The following PPM1E variants were observed in gnomAD, a reference collection of about 807,000 sequenced individuals.
PPM1E encodes the protein protein phosphatase, Mg2+/Mn2+ dependent 1E.
PPM1E carries 20 observed loss-of-function variants against 65.9 expected under a neutral mutation model. That is an observed-to-expected ratio of 0.30 (90% CI 0.21 to 0.44). The LOEUF (loss-of-function observed/expected upper bound fraction) is 0.44. Among genes scored for constraint, PPM1E ranks in the 20% least tolerant of loss-of-function variants. The probability of loss-of-function intolerance (pLI) is 1.00; values close to 1 mark genes in which losing one functional copy is unlikely to be tolerated. For synonymous variants in PPM1E, 352 were observed against 374.9 expected (o/e 0.94, Z 0.70); for missense variants, 713 against 953.1 (o/e 0.75, Z 3.32).
chr17:58,761,192 A>G (rs762618738), intron 1 of PPM1E, among the ~76,000 whole-genome samples: 1 of 152,160 alleles, frequency 6.6e-6, no homozygotes, highest in Non-Finnish European at 1.5e-5. Flanking sequence ...GATTGTTTGC[A>G]TGGTTGAACT....
At chr17:58,789,219 A>G (rs2050132571) in intron 1 of PPM1E, among the ~76,000 whole-genome samples, 1 of 152,192 alleles carries the variant, frequency 6.6e-6, no homozygotes, top group Non-Finnish European at 1.5e-5. Context: ...TAAGAACATA[A>G]GAAACATTTT....
chr17:58,909,200 T>G (rs1354598277), intron 1 of PPM1E, among the ~76,000 whole-genome samples: 1 of 152,102 alleles, frequency 6.6e-6, no homozygotes, highest in South Asian at 2.1e-4. Flanking sequence ...TTTCCTCAGT[T>G]TTTTTGTTTG....
intron 1 of PPM1E, among the ~76,000 whole-genome samples, chr17:58,884,876 A>G (rs191942422): frequency 4.5e-5 from 6 of 133,134 alleles, no homozygotes; most frequent in Admixed American, 2.8e-4. Context: ...TTCATTATCA[A>G]TATTATCTTC....
chr17:58,981,083 C>T lies in PPM1E; in HGVS notation c.*52C>T. The T allele has an allele frequency of 7.8e-7, 1 of 1,280,342 alleles. No individual in the cohort carries two copies. The highest frequency in any genetic ancestry group is 1.1e-6 in the Non-Finnish European group (1 of 919,896). 79.3% of individuals were successfully genotyped at this position (1,280,342 alleles called of 1,614,324 possible). On this transcript the variant is annotated 3_prime_UTR_variant, in exon 7 of 7. Transcript: ENST00000308249. ...TCTCCCCCAATAAAAATACCACTAT[C>T]AGAGTAGAAACAAGGTAGACATTTC...
chr17:58,972,486 G>T (rs2030702818), intron 5 of PPM1E, among the ~76,000 whole-genome samples: 1 of 152,126 alleles, frequency 6.6e-6, no homozygotes, highest in Non-Finnish European at 1.5e-5. Flanking sequence ...GAGTAGCTGG[G>T]ATTACAGGCA....
rs2051086493 is a variant in PPM1E at position 58,872,862 on chromosome 17, AT to A, written c.465-82784del. 2.0e-5 allele frequency among the ~76,000 whole-genome samples: 3 copies of A among 152,220 alleles called. No individual in the cohort carries two copies. In the South Asian group the frequency reaches 6.2e-4, roughly 32 times the overall value. On this transcript the variant is annotated intron_variant, in intron 1 of 6. Coordinates refer to ENST00000308249, the MANE Select transcript of PPM1E (RefSeq NM_014906.5). The stretch of plus-strand genomic sequence containing the variant: ...TATGTTATATGTTATAGTTTGTTAC[AT>A]TTCAAGGAAGTGATTGGTTACAGTT...
At chr17:58,923,483 C>A (rs557247663) in intron 1 of PPM1E, among the ~76,000 whole-genome samples, 45 of 151,714 alleles carry the variant, frequency 3.0e-4, no homozygotes, top group Non-Finnish European at 6.2e-4. Context: ...TAGTGGCTCA[C>A]GCCTGTAATC....
At chr17:58,881,713 G>A (rs2051196822) in intron 1 of PPM1E, among the ~76,000 whole-genome samples, 1 of 151,894 alleles carries the variant, frequency 6.6e-6, no homozygotes, top group African/African-American at 2.4e-5. Flanking sequence ...GCATGATAGT[G>A]TGCACCTGTA....
intron 4 of PPM1E, among the ~76,000 whole-genome samples, chr17:58,969,988 G>A (rs1421568192): frequency 6.6e-6 from 1 of 152,174 alleles, no homozygotes; most frequent in Non-Finnish European, 1.5e-5. Flanking sequence ...GGATTTGGCA[G>A]GTGAGTTTCA....
At chr17:58,933,016 T>A (rs2051922699) in intron 1 of PPM1E, among the ~76,000 whole-genome samples, 1 of 152,214 alleles carries the variant, frequency 6.6e-6, no homozygotes, top group African/African-American at 2.4e-5. Context: ...CAGTGCTCAG[T>A]ACAGTAACAC....
intron 1 of PPM1E, among the ~76,000 whole-genome samples, chr17:58,786,266 G>A (rs1409572729): frequency 1.3e-5 from 2 of 151,702 alleles, no homozygotes; most frequent in South Asian, 2.1e-4. Flanking sequence ...TGCCCGCCTC[G>A]GCCTCCCAAA....
intron 1 of PPM1E, among the ~76,000 whole-genome samples, chr17:58,816,940 G>A (rs908793834): frequency 8.0e-5 from 12 of 150,870 alleles, no homozygotes; most frequent in Admixed American, 4.0e-4. Context: ...GGCCTATGGC[G>A]CATGACCACC....
intron 1 of PPM1E, among the ~76,000 whole-genome samples, chr17:58,762,705 G>A (rs571782803): frequency 1.3e-5 from 2 of 152,078 alleles, no homozygotes; most frequent in East Asian, 1.9e-4. Flanking sequence ...AGACCATCCC[G>A]GCTAAAACGG....
At position 58,983,813 on chromosome 17, in the gene PPM1E, A is replaced by G. The variant is rs2031546390; in HGVS notation, c.*2782A>G. 6.6e-6 allele frequency: 1 copy of G among 152,656 alleles called. No homozygotes were observed. The allele number at this position is 152,656 out of a possible 1,614,324, so 9.5% of individuals were successfully genotyped here. The stretch of plus-strand genomic sequence containing the variant: ...AATCTGTTTGCCTGCTAAACAAGTT[A>G]GAATAGGAAATAGTAAAATAAATCC... On this transcript the variant is annotated 3_prime_UTR_variant, in exon 7 of 7. Transcript: ENST00000308249.
chr17:58,822,672 G>A (rs1461416223), intron 1 of PPM1E, among the ~76,000 whole-genome samples: 1 of 152,124 alleles, frequency 6.6e-6, no homozygotes, highest in East Asian at 1.9e-4. Flanking sequence ...TTAAACACTG[G>A]TTGGCCATGA....
At chr17:58,933,361 G>T (rs1001330336) in intron 1 of PPM1E, among the ~76,000 whole-genome samples, 3 of 152,204 alleles carry the variant, frequency 2.0e-5, no homozygotes, top group African/African-American at 4.8e-5. Context: ...AAAACTTCAT[G>T]TTGGTGAAAT....
chr17:58,955,201 C>T (rs2029868057), intron 1 of PPM1E, among the ~76,000 whole-genome samples: 1 of 152,106 alleles, frequency 6.6e-6, no homozygotes, highest in Non-Finnish European at 1.5e-5. Flanking sequence ...CCCGTCTCTA[C>T]TAAAAATACA....
intron 1 of PPM1E, among the ~76,000 whole-genome samples, chr17:58,767,231 C>A (rs948435195): frequency 2.0e-5 from 3 of 152,024 alleles, no homozygotes; most frequent in Non-Finnish European, 4.4e-5. Context: ...ATATTTATTA[C>A]CTCTTTTAAT....
rs776095186 is a variant in PPM1E, at chr17:58,980,957, G to A, written c.2194G>A (p.Glu732Lys). Residue 732 changes from glutamate to lysine, a missense_variant, in exon 7 of 7, where the codon GAA (glutamate) becomes AAA (lysine). Physicochemically the swap from Glu to Lys is moderately conservative, Grantham distance 56 (BLOSUM62 1). Around this residue, in one of 6 missense-constraint regions of PPM1E, gnomAD observed 286 missense variants for 313.8 expected, o/e 0.91. Transcript: ENST00000308249. The surrounding 1 kb of genome is among the most constrained non-coding windows in gnomAD (Gnocchi z 4.7). ...GCAAAATAGTTGGAAAGGGTACAGT[G>A]AAAACATGAGGAAGCTCAGAAAGAC... ...WRQNSWKGYSENMRKLRKTHD... is the reference protein window; with the variant it reads ...WRQNSWKGYSKNMRKLRKTHD... 5 of 1,614,178 alleles carry A rather than the reference G, an allele frequency of 3.1e-6. No homozygotes were observed. The East Asian group carries it at 8.9e-5, about 29-fold the overall frequency.
Sources: gnomAD v4.1 joint callset for allele counts (sites outside exome capture counted in the v4.1 genomes callset) on GRCh38, gnomAD v4.1.1 for gene constraint, gnomAD v4.1.1 regional missense constraint, Gnocchi (gnomAD v3.1) non-coding constraint, MANE v1.5 for transcripts, NCBI Gene and HGNC (gene_info 2026-07-23, HGNC 2026-07-21) for gene names.